SHISA9: variants seen among roughly 807,000 people sequenced by gnomAD.
SHISA9 encodes the protein shisa family member 9.
Under a neutral mutation model 38.0 loss-of-function variants are expected in SHISA9, and 13 were observed. The ratio of observed to expected loss-of-function variants is 0.34; its 90% confidence interval spans 0.22 to 0.54. The LOEUF (loss-of-function observed/expected upper bound fraction) is 0.54, where lower values mean the gene tolerates loss of function less well. SHISA9 is among the 20% of genes least tolerant of loss of function. The pLI, the probability that SHISA9 is intolerant of heterozygous loss-of-function variation, is 0.91. For synonymous variants in SHISA9, 275 were observed against 242.0 expected (o/e 1.14, Z -1.27); for missense variants, 538 against 575.8 (o/e 0.93, Z 0.67).
chr16:13,432,127 T>C, the SHISA9 span, among the ~76,000 whole-genome samples: 87 of 152,356 alleles, frequency 5.7e-4, 2 homozygotes, highest in East Asian at 0.016. Flanking sequence ...CCCAGACTTG[T>C]AAATTCTGTT....
chr16:12,930,250 T>G (rs2071446252), intron 2 of SHISA9, among the ~76,000 whole-genome samples: 1 of 152,218 alleles, frequency 6.6e-6, no homozygotes, highest in African/African-American at 2.4e-5. Context: ...ACTGAGCACA[T>G]TTTATCAAGT....
chr16:13,362,291 C>G, the SHISA9 span, among the ~76,000 whole-genome samples: 2 of 151,196 alleles, frequency 1.3e-5, no homozygotes, highest in African/African-American at 4.9e-5. Context: ...AAAAACCAGC[C>G]CAGCGTGGTG....
chr16:13,270,757 T>C, the SHISA9 span, among the ~76,000 whole-genome samples: 1 of 152,216 alleles, frequency 6.6e-6, no homozygotes, highest in Non-Finnish European at 1.5e-5. Flanking sequence ...CAGCTGTCAC[T>C]AAATATGATT....
chr16:13,458,636 T>C, the SHISA9 span: 55 of 354,120 alleles, frequency 1.6e-4, no homozygotes, highest in Non-Finnish European at 3.0e-4. Flanking sequence ...AACACTATTA[T>C]GCAGATGTAT....
At chr16:12,985,388 C>T (rs989082333) in intron 2 of SHISA9, among the ~76,000 whole-genome samples, 1 of 152,158 alleles carries the variant, frequency 6.6e-6, no homozygotes, top group African/African-American at 2.4e-5. Flanking sequence ...CTCCAAGTTT[C>T]TGAAACTTGC....
intron 2 of SHISA9, among the ~76,000 whole-genome samples, chr16:13,201,965 G>A (rs1274586914): frequency 9.0e-6 from 1 of 110,580 alleles, no homozygotes; most frequent in Non-Finnish European, 1.9e-5. Flanking sequence ...GTGCATACCT[G>A]GATGGACACA....
chr16:13,359,236 G>C, the SHISA9 span, among the ~76,000 whole-genome samples: 1 of 151,710 alleles, frequency 6.6e-6, no homozygotes, highest in Non-Finnish European at 1.5e-5. Flanking sequence ...ATATTTTTTG[G>C]GGGGAGGTCA....
intron 2 of SHISA9, among the ~76,000 whole-genome samples, chr16:13,025,302 A>G (rs1027611): frequency 0.45 from 68,596 of 152,040 alleles, 15,715 homozygotes; most frequent in Middle Eastern, 0.52. Flanking sequence ...TGTTAGACCT[A>G]CAAATTCTCA....
intron 2 of SHISA9, among the ~76,000 whole-genome samples, chr16:13,162,477 C>A (rs933967829): frequency 6.6e-6 from 1 of 152,150 alleles, no homozygotes; most frequent in African/African-American, 2.4e-5. Flanking sequence ...TCAATCACTG[C>A]GCTGAGCATA....
chr16:13,492,687 T>A, the SHISA9 span, among the ~76,000 whole-genome samples: 1 of 152,196 alleles, frequency 6.6e-6, no homozygotes, highest in Non-Finnish European at 1.5e-5. Flanking sequence ...ATTGTTCAAC[T>A]AATGGACTGA....
the SHISA9 span, among the ~76,000 whole-genome samples, chr16:13,468,389 A>G: frequency 2.0e-5 from 3 of 152,178 alleles, no homozygotes; most frequent in East Asian, 1.9e-4. Flanking sequence ...CAGGGTGCCT[A>G]TGCTTTTTCT....
At chr16:13,241,159 G>C (rs965250403), downstream of SHISA9, among the ~76,000 whole-genome samples, 1 of 152,176 alleles carries the variant, frequency 6.6e-6, no homozygotes, top group Non-Finnish European at 1.5e-5. Context: ...TTTCAGGGAT[G>C]CTAATGTTCA....
intron 2 of SHISA9, among the ~76,000 whole-genome samples, chr16:13,055,433 C>G (rs1223387790): frequency 1.3e-5 from 2 of 152,192 alleles, no homozygotes; most frequent in South Asian, 2.1e-4. Flanking sequence ...GCATAGTAAA[C>G]TCCACCTAAG....
intron 2 of SHISA9, among the ~76,000 whole-genome samples, chr16:13,042,084 A>C (rs1477681997): frequency 6.6e-6 from 1 of 152,186 alleles, no homozygotes; most frequent in Non-Finnish European, 1.5e-5. Context: ...GCAATTACCA[A>C]CAACTATGGA....
At chr16:13,074,654 C>T (rs551799124) in intron 2 of SHISA9, among the ~76,000 whole-genome samples, 2 of 150,974 alleles carry the variant, frequency 1.3e-5, no homozygotes, top group East Asian at 1.9e-4. Flanking sequence ...CTTTTCTTTT[C>T]TCTTTTTCTT....
chr16:13,132,326 AGTAGAT>A (rs2050313120), intron 2 of SHISA9, among the ~76,000 whole-genome samples: 1 of 152,138 alleles, frequency 6.6e-6, no homozygotes. Flanking sequence ...TCTGATACCT[AGTAGAT>A]GTTTACTGCT....
chr16:13,346,384 G>A, the SHISA9 span, among the ~76,000 whole-genome samples: 13 of 152,286 alleles, frequency 8.5e-5, no homozygotes, highest in Admixed American at 8.5e-4. Flanking sequence ...GCAAAACTGG[G>A]TTTCCTGAAG....
chr16:12,928,631 C>A (rs1442316508), intron 2 of SHISA9, among the ~76,000 whole-genome samples: 1 of 152,120 alleles, frequency 6.6e-6, no homozygotes, highest in Admixed American at 6.5e-5. Context: ...CACCTACTAT[C>A]CAAAGGAAGC....
At chr16:13,289,666 G>A in the SHISA9 span, among the ~76,000 whole-genome samples, 21 of 152,132 alleles carry the variant, frequency 1.4e-4, no homozygotes, top group Non-Finnish European at 2.9e-4. Context: ...AAGAGCTAGA[G>A]AGAGAGAGAA....
Sources: gnomAD v4.1 joint callset for allele counts (sites outside exome capture counted in the v4.1 genomes callset) on GRCh38, gnomAD v4.1.1 for gene constraint, MANE v1.5 for transcripts, NCBI Gene and HGNC (gene_info 2026-07-23, HGNC 2026-07-21) for gene names.